Variants in SCN9A observed in about 807,000 individuals in gnomAD.
SCN9A encodes the protein sodium channel protein type 9 subunit alpha.
A neutral mutation model predicts 187.0 loss-of-function variants in SCN9A; 131 were observed. That is an observed-to-expected ratio of 0.70 (90% confidence interval 0.61 to 0.81). The LOEUF (loss-of-function observed/expected upper bound fraction) is 0.81. SCN9A is among the 30% of genes least tolerant of loss of function. The pLI is 0.00. For synonymous variants in SCN9A, 809 were observed against 808.6 expected (o/e 1.00, Z -0.01); for missense variants, 2,252 against 2,396.6 (o/e 0.94, Z 1.26).
intron 20 of SCN9A, among the ~76,000 whole-genome samples, chr2:166,234,389 T>G (rs1352367022): frequency 6.6e-6 from 1 of 152,194 alleles, no homozygotes; most frequent in African/African-American, 2.4e-5. Context: ...ACGAATAAGT[T>G]AGTGACTGAG....
chr2:166,354,016 T>A (rs1351313752), intron 1 of SCN9A, among the ~76,000 whole-genome samples: 3 of 152,204 alleles, frequency 2.0e-5, no homozygotes, highest in Non-Finnish European at 4.4e-5. Context: ...TTAACATAGA[T>A]GTCACACTAA....
At position 166,311,496 on chromosome 2, in the gene SCN9A, C is replaced by T; in HGVS notation, c.258+3G>A. Reference sequence around the variant, plus strand: ...CTGACCACTGAAGTCAAAATAAACTCACCTTTTTGTCTGCATAGTAGGGGT... The same window carrying T: ...CTGACCACTGAAGTCAAAATAAACTTACCTTTTTGTCTGCATAGTAGGGGT... On this transcript the variant is annotated splice_donor_region_variant and intron_variant, in intron 2 of 26. Coordinates refer to ENST00000642356, the MANE Select transcript of SCN9A (RefSeq NM_001365536.1). 2.0e-6 allele frequency: 3 copies of T among 1,529,896 alleles called. No individual in the cohort carries two copies. Among genetic ancestry groups the T allele is most frequent in the Non-Finnish European group, 2.6e-6 (3 of 1,134,426 alleles). The allele number at this position is 1,529,896 out of a possible 1,614,324, so 94.8% of individuals were successfully genotyped here.
At chr2:166,362,439 G>T (rs1291438709) in intron 1 of SCN9A, among the ~76,000 whole-genome samples, 1 of 151,836 alleles carries the variant, frequency 6.6e-6, no homozygotes, top group African/African-American at 2.4e-5. Flanking sequence ...AAGATAAAGG[G>T]TATGGCTATT....
chr2:166,222,740 G>A (rs1694644172), intron 24 of SCN9A, among the ~76,000 whole-genome samples: 1 of 147,460 alleles, frequency 6.8e-6, no homozygotes, highest in African/African-American at 2.6e-5. Context: ...AGACCATCCT[G>A]GCTAACAGGG....
At chr2:166,332,550 G>T (rs1699530079) in intron 1 of SCN9A, among the ~76,000 whole-genome samples, 1 of 152,148 alleles carries the variant, frequency 6.6e-6, no homozygotes, top group South Asian at 2.1e-4. Context: ...CTTGACCTCA[G>T]AAGTAGTGAT....
rs1483924206 is a variant in SCN9A, at chr2:166,201,436, AGTATAGAGTAT to A, written c.4775-1583_4775-1573del. Among the ~76,000 whole-genome samples the A allele has an allele frequency of 3.7e-4, 50 of 135,726 alleles. 1 individual carries two copies. Among genetic ancestry groups the A allele is most frequent in the African/African-American group, 1.2e-3 (48 of 38,456 alleles). The allele number at this position is 135,726 out of a possible 152,430, so 89.0% of individuals were successfully genotyped here. On this transcript the variant is annotated intron_variant, in intron 26 of 26. Coordinates refer to ENST00000642356, the MANE Select transcript of SCN9A (RefSeq NM_001365536.1). ...CATATAGTATGCATATACTATATAT[AGTATAGAGTAT>A]GCGTATACTATATATATAGTATAGA...
At chr2:166,269,866 A>G (rs1201828162) in intron 17 of SCN9A, among the ~76,000 whole-genome samples, 1 of 152,102 alleles carries the variant, frequency 6.6e-6, no homozygotes, top group African/African-American at 2.4e-5. Context: ...TAACACCTAG[A>G]ATCCAAGTTT....
intron 1 of SCN9A, among the ~76,000 whole-genome samples, chr2:166,338,533 G>A (rs937557515): frequency 6.6e-6 from 1 of 151,968 alleles, no homozygotes; most frequent in Non-Finnish European, 1.5e-5. Context: ...AGCAAAAATA[G>A]TACTAAATAT....
At chr2:166,345,162 T>C (rs1339897155) in intron 1 of SCN9A, among the ~76,000 whole-genome samples, 1 of 151,834 alleles carries the variant, frequency 6.6e-6, no homozygotes, top group African/African-American at 2.4e-5. Flanking sequence ...TGCTATATAA[T>C]GCCCTGAATG....
chr2:166,274,617 T>C (rs1409236844), intron 16 of SCN9A, among the ~76,000 whole-genome samples: 1 of 152,190 alleles, frequency 6.6e-6, no homozygotes, highest in Non-Finnish European at 1.5e-5. Flanking sequence ...AGTTCCTCCA[T>C]TAGTCAAGAG....
At chr2:166,302,603 T>G (rs1351256080) in intron 7 of SCN9A, 1 of 151,582 alleles carries the variant, frequency 6.6e-6, no homozygotes, top group South Asian at 2.1e-4. Context: ...ATCTTTATAT[T>G]TGATAATTAA....
chr2:166,233,211 A>G (rs1254014726), intron 21 of SCN9A, 129 bp downstream of exon 21: 18 of 448,974 alleles, frequency 4.0e-5, no homozygotes, highest in African/African-American at 7.2e-5. Context: ...GTATATGTAC[A>G]CACACATACA....
rs1698638342 is a variant in SCN9A, at chr2:166,303,283, C to T, written c.708G>A (p.Gly236=). Residue 236 remains glycine, a synonymous_variant, in exon 7 of 27, where the codon GGG becomes GGA. Coordinates refer to ENST00000642356, the MANE Select transcript of SCN9A (RefSeq NM_001365536.1). ...GCTTCTTCACTGACTGGATCAAAGC[C>T]CCTACAATTGTCTTCAGGCCTGAAA... is the stretch of plus-strand genomic sequence containing the variant. ...SVIPGLKTIV[G]ALIQSVKKLS... 2 of 1,613,164 alleles carry T rather than the reference C, an allele frequency of 1.2e-6. No homozygotes were observed. Among genetic ancestry groups the T allele is most frequent in the Non-Finnish European group, 1.7e-6 (2 of 1,179,576 alleles).
At chr2:166,223,107 A>G (rs1246927436) in intron 24 of SCN9A, among the ~76,000 whole-genome samples, 1 of 152,100 alleles carries the variant, frequency 6.6e-6, no homozygotes, top group South Asian at 2.1e-4. Flanking sequence ...ACCTTTGTAC[A>G]TTGTTGGAAT....
intron 7 of SCN9A, among the ~76,000 whole-genome samples, chr2:166,298,031 T>TG (rs1208660954): frequency 6.6e-6 from 1 of 152,200 alleles, no homozygotes; most frequent in Non-Finnish European, 1.5e-5. Context: ...CAATTGTGTA[T>TG]GGCTTGGGCC....
At chr2:166,227,595 A>G in intron 23 of SCN9A, 75 bp downstream of exon 23, 1 of 856,290 alleles carries the variant, frequency 1.2e-6, no homozygotes, top group Non-Finnish European at 1.9e-6. Context: ...TCATGAAGTT[A>G]TAGTTTGGAA....
In SCN9A at chr2:166,234,483, T is replaced by C. The variant is rs367740608; in HGVS notation, c.3802-1021A>G. Among the ~76,000 whole-genome samples, 10 of 152,312 alleles carry C rather than the reference T, an allele frequency of 6.6e-5. No individual in the cohort carries two copies. The East Asian group carries it at 1.2e-3, about 18-fold the overall frequency. On this transcript the variant is annotated intron_variant, in intron 20 of 26. Coordinates refer to ENST00000642356, the MANE Select transcript of SCN9A (RefSeq NM_001365536.1). Reference sequence around the variant, plus strand: ...CTATTTCAGGCGTAGAAAAAGTCATTGTTCACAAAAAGTTCATTGCTGTTA... The same window carrying C: ...CTATTTCAGGCGTAGAAAAAGTCATCGTTCACAAAAAGTTCATTGCTGTTA...
intron 20 of SCN9A, among the ~76,000 whole-genome samples, chr2:166,236,866 CT>C (rs1695340564): frequency 6.6e-6 from 1 of 152,112 alleles, no homozygotes; most frequent in Admixed American, 6.5e-5. Context: ...ACATATGATG[CT>C]GTATGAATTC....
chr2:166,344,278 A>C (rs1213495625), intron 1 of SCN9A, among the ~76,000 whole-genome samples: 2 of 152,314 alleles, frequency 1.3e-5, no homozygotes, highest in East Asian at 3.9e-4. Context: ...AGTTAAAAAT[A>C]TATCAAAATA....
Sources: allele counts gnomAD v4.1 joint callset (sites outside exome capture counted in the v4.1 genomes callset), GRCh38; gene constraint gnomAD v4.1.1; transcripts MANE v1.5; gene names NCBI Gene and HGNC (gene_info 2026-07-23, HGNC 2026-07-21).